The following NRG1 variants were observed in gnomAD, a reference collection of about 807,000 sequenced individuals.
The protein encoded by NRG1 is neuregulin 1.
In NRG1, 18 loss-of-function variants were observed where a neutral mutation model predicts 63.8. The ratio of observed to expected loss-of-function variants is 0.28; its 90% confidence interval spans 0.19 to 0.42. NRG1 has a LOEUF of 0.42. Ranked by LOEUF, NRG1 falls within the 10% of genes least tolerant of loss-of-function variation. The pLI is 1.00. For missense variants in NRG1, 762 were observed against 814.7 expected (o/e 0.94, Z 0.79); for synonymous variants, 302 against 301.3 (o/e 1.00, Z -0.02).
In NRG1 at chr8:32,053,748, G is replaced by A. The variant is rs188605814; in HGVS notation, c.37+414317G>A. ...TGAATACATGAGCAAAAAGAATGAT[G>A]AGGAGTCATGGTGAGCAGAAGCTCT... On this transcript the variant is annotated intron_variant, in intron 1 of 10. Transcript: ENST00000519301. 1.1e-4 allele frequency among the ~76,000 whole-genome samples: 16 copies of A among 152,302 alleles called. No individual in the cohort carries two copies. In the East Asian group the frequency reaches 3.1e-3, roughly 29 times the overall value.
chr8:32,222,899 C>T (rs927607809), intron 1 of NRG1, among the ~76,000 whole-genome samples: 3 of 152,144 alleles, frequency 2.0e-5, no homozygotes, highest in Non-Finnish European at 2.9e-5. Context: ...TCCATTTTGC[C>T]GGTGACAGCA....
In NRG1 at chr8:31,655,076, T is replaced by A. The variant is rs547906202; in HGVS notation, c.37+15645T>A. 4.6e-5 allele frequency among the ~76,000 whole-genome samples: 7 copies of A among 152,336 alleles called. No homozygotes were observed. The South Asian group carries it at 1.2e-3, about 27-fold the overall frequency. ...ATTATTATAGTTGCCATTCTTAGGA[T>A]GTTTCCCAGATAAATTACAGGAATC... On this transcript the variant is annotated intron_variant, in intron 1 of 10. Coordinates refer to the NRG1 transcript ENST00000519301.
rs74843887 is a variant in NRG1, at chr8:31,648,977, G to A, written c.37+9546G>A. Among the ~76,000 whole-genome samples the A allele has an allele frequency of 3.6e-3, 409 of 113,076 alleles. 1 individual carries two copies. Among genetic ancestry groups the A allele is most frequent in the South Asian group, 0.026 (91 of 3,458 alleles). 74.2% of individuals were successfully genotyped at this position (113,076 alleles called of 152,430 possible). Reference sequence around the variant, plus strand: ...TTTTTCTTTTCTTTTTTTTTTTTTTGAGATGGCATCTCACTGTGTCGCCCA... The same window carrying A: ...TTTTTCTTTTCTTTTTTTTTTTTTTAAGATGGCATCTCACTGTGTCGCCCA... On this transcript the variant is annotated intron_variant, in intron 1 of 10. Coordinates refer to the NRG1 transcript ENST00000519301.
chr8:31,837,712 A>G (rs1416248110), intron 1 of NRG1, among the ~76,000 whole-genome samples: 1 of 152,102 alleles, frequency 6.6e-6, no homozygotes, highest in African/African-American at 2.4e-5. Context: ...TCTAGATTCT[A>G]CATGAGTGAG....
At chr8:31,832,748 C>G (rs768980427) in intron 1 of NRG1, among the ~76,000 whole-genome samples, 21 of 152,170 alleles carry the variant, frequency 1.4e-4, no homozygotes, top group Non-Finnish European at 2.4e-4. Context: ...AGCAGGCTAT[C>G]ATCGCAATGA....
intron 5 of NRG1, among the ~76,000 whole-genome samples, chr8:32,633,256 C>G (rs1247095976): frequency 6.6e-6 from 1 of 152,134 alleles, no homozygotes; most frequent in Non-Finnish European, 1.5e-5. Flanking sequence ...CAAAAACAAT[C>G]AAGACAACAG....
intron 1 of NRG1, among the ~76,000 whole-genome samples, chr8:31,678,792 A>G (rs1194839169): frequency 6.7e-6 from 1 of 148,332 alleles, no homozygotes; most frequent in Non-Finnish European, 1.5e-5. Flanking sequence ...ATATTTAAAT[A>G]TTTATATTTA....
At chr8:32,047,305 C>T (rs182803792) in intron 1 of NRG1, among the ~76,000 whole-genome samples, 51 of 152,034 alleles carry the variant, frequency 3.4e-4, no homozygotes, top group East Asian at 5.8e-4. Context: ...CTTTTGTAGG[C>T]GAGGATGAAT....
intron 1 of NRG1, among the ~76,000 whole-genome samples, chr8:31,986,241 G>A (rs1810044769): frequency 6.6e-6 from 1 of 152,024 alleles, no homozygotes; most frequent in Admixed American, 6.6e-5. Context: ...ACTGGCTAAA[G>A]TGCATCAGTA....
chr8:32,288,908 T>C (rs889881087), intron 1 of NRG1, among the ~76,000 whole-genome samples: 1 of 152,168 alleles, frequency 6.6e-6, no homozygotes, highest in African/African-American at 2.4e-5. Flanking sequence ...AAGATCAATA[T>C]TCATGTTGAG....
intron 1 of NRG1, among the ~76,000 whole-genome samples, chr8:32,083,361 G>A (rs567278104): frequency 2.6e-5 from 4 of 152,152 alleles, no homozygotes; most frequent in South Asian, 2.1e-4. Flanking sequence ...ACTCTACTTC[G>A]GTTACAAATT....
At chr8:31,646,016 T>G (rs1417311073) in intron 1 of NRG1, among the ~76,000 whole-genome samples, 1 of 152,210 alleles carries the variant, frequency 6.6e-6, no homozygotes, top group Non-Finnish European at 1.5e-5. Context: ...TGGACTAGCC[T>G]TCTCTCGAAA....
intron 1 of NRG1, among the ~76,000 whole-genome samples, chr8:31,868,194 A>ACACACACACACACACACACACACAC (rs1829159535): frequency 6.7e-6 from 1 of 149,994 alleles, no homozygotes; most frequent in Non-Finnish European, 1.5e-5. Flanking sequence ...ACACACACAC[A>ACACACACACACACACACACACACAC]AATAAGCCCT....
chr8:32,098,477 A>C (rs1447033672), intron 1 of NRG1, among the ~76,000 whole-genome samples: 1 of 152,194 alleles, frequency 6.6e-6, no homozygotes, highest in Middle Eastern at 3.2e-3. Flanking sequence ...CCAGAGTGTT[A>C]AGCTCATCAG....
At chr8:31,754,579 T>C (rs1365568794) in intron 1 of NRG1, among the ~76,000 whole-genome samples, 2 of 152,042 alleles carry the variant, frequency 1.3e-5, no homozygotes, top group Non-Finnish European at 2.9e-5. Context: ...CTCGGGTATT[T>C]CTTTATAGCA....
At chr8:32,186,460 C>CAAAAAA (rs748750103) in intron 1 of NRG1, among the ~76,000 whole-genome samples, 1 of 52,224 alleles carries the variant, frequency 1.9e-5, no homozygotes, top group Non-Finnish European at 4.3e-5. Context: ...GACTCCGTCT[C>CAAAAAA]AAAAAAAAAA....
At chr8:32,269,310 G>A (rs927299862) in intron 1 of NRG1, among the ~76,000 whole-genome samples, 1 of 152,178 alleles carries the variant, frequency 6.6e-6, no homozygotes, top group East Asian at 1.9e-4. Context: ...GCTGATCAGT[G>A]CTAGAAATAA....
At chr8:31,956,871 C>A (rs566330873) in intron 1 of NRG1, among the ~76,000 whole-genome samples, 2 of 152,208 alleles carry the variant, frequency 1.3e-5, no homozygotes, top group African/African-American at 4.8e-5. Flanking sequence ...CATTCAAAAC[C>A]CATATACTTT....
intron 5 of NRG1, among the ~76,000 whole-genome samples, chr8:32,723,111 G>T (rs1295418765): frequency 2.0e-5 from 3 of 151,062 alleles, no homozygotes; most frequent in Non-Finnish European, 2.9e-5. Context: ...GTGCAGTGTT[G>T]CAACTGACAA....
Sources: allele counts gnomAD v4.1 joint callset (sites outside exome capture counted in the v4.1 genomes callset), GRCh38; gene constraint gnomAD v4.1.1; transcripts MANE v1.5; gene names NCBI Gene and HGNC (gene_info 2026-07-23, HGNC 2026-07-21).